ZNF276: variants seen among roughly 807,000 people sequenced by gnomAD.
ZNF276 encodes centromere protein Z.
A neutral mutation model predicts 63.9 loss-of-function variants in ZNF276; 59 were observed. The ratio of observed to expected loss-of-function variants is 0.92; its 90% CI spans 0.75 to 1.15. The LOEUF is 1.15. ZNF276 is among the 50% of genes most tolerant of loss of function. ZNF276 has a pLI of 0.00. For synonymous variants in ZNF276, 496 were observed against 348.4 expected (o/e 1.42, Z -4.72); for missense variants, 1,084 against 843.8 (o/e 1.28, Z -3.53).
chr16:89,727,525 C>T (rs1406095350), intron 5 of ZNF276, among the ~76,000 whole-genome samples, 168 bp downstream of exon 5: 1 of 152,144 alleles, frequency 6.6e-6, no homozygotes, highest in Non-Finnish European at 1.5e-5. Context: ...CAAACTAAGC[C>T]ATCACAGGGG....
Position 89,738,233 on chromosome 16 carries a change from C to G in ZNF276, c.1832C>G (p.Pro611Arg). The change falls in exon 11 of 11, where the codon CCC becomes CGC. Residue 611 changes from proline to arginine, a missense_variant. By Grantham distance (103) the Pro-to-Arg change is moderately radical. Coordinates refer to ENST00000443381, the MANE Select transcript of ZNF276 (RefSeq NM_001113525.2). ...SVTTEGQAVKPEPT is the reference protein window; with the variant it reads ...SVTTEGQAVKREPT ...ACCACAGAGGGCCAGGCGGTGAAGC[C>G]CGAACCCACCTGAGGACGGCAGTGA... The G allele has an allele frequency of 1.2e-6, 2 of 1,604,824 alleles. No individual in the cohort carries two copies. The highest frequency in any genetic ancestry group is 1.7e-6 in the Non-Finnish European group (2 of 1,176,272).
chr16:89,738,328 T>C lies in ZNF276; in HGVS notation c.*82T>C. On this transcript the variant is annotated 3_prime_UTR_variant, in exon 11 of 11. Coordinates refer to ENST00000443381, the MANE Select transcript of ZNF276 (RefSeq NM_001113525.2). ...GCCTCACCCTTCGTGTGCACCCGCA[T>C]GGGAGGGTCGGAGGGTGCTGCCCGC... 1 of 1,507,378 alleles carries C rather than the reference T, an allele frequency of 6.6e-7. No homozygotes were observed. Among genetic ancestry groups the C allele is most frequent in the Non-Finnish European group, 8.9e-7 (1 of 1,128,522 alleles). 93.4% of individuals were successfully genotyped at this position (1,507,378 alleles called of 1,614,324 possible). A position where few individuals can be genotyped will look rare whatever the true frequency, so the allele number is the denominator to read the frequency against.
intron 5 of ZNF276, among the ~76,000 whole-genome samples, chr16:89,728,786 G>A (rs766124153): frequency 4.6e-5 from 7 of 151,850 alleles, no homozygotes; most frequent in Non-Finnish European, 7.4e-5. Flanking sequence ...ATCCACCTAC[G>A]TCACCCTCCC....
At chr16:89,727,496 G>A in intron 5 of ZNF276, 139 bp downstream of exon 5, 1 of 963,056 alleles carries the variant, frequency 1.0e-6, no homozygotes, top group Non-Finnish European at 1.6e-6. Flanking sequence ...CGTAGGGTCG[G>A]CTGCCCATGC....
intron 6 of ZNF276, chr16:89,731,652 G>A (rs1039845195): frequency 3.3e-5 from 5 of 152,248 alleles, no homozygotes; most frequent in Non-Finnish European, 4.4e-5. Context: ...GCAGCCCTGT[G>A]CGCTCAAGTG....
At chr16:89,726,807 G>A (rs1387793710) in intron 4 of ZNF276, among the ~76,000 whole-genome samples, 2 of 150,708 alleles carry the variant, frequency 1.3e-5, no homozygotes, top group African/African-American at 4.9e-5. Flanking sequence ...CACCATGCCC[G>A]GCTAATTTTT....
At chr16:89,737,743 T>C (rs1054946709) in intron 9 of ZNF276, 63 bp from the exon 10 acceptor site, 1 of 1,606,472 alleles carries the variant, frequency 6.2e-7, no homozygotes, top group Non-Finnish European at 8.5e-7. Context: ...CACATTGTCA[T>C]CGTCGTCCCC....
chr16:89,721,011 C>A, upstream of ZNF276: 1 of 746,272 alleles, frequency 1.3e-6, no homozygotes, highest in Non-Finnish European at 1.8e-6. Flanking sequence ...GCCCCCTCCG[C>A]GCGTACTGCG....
At chr16:89,735,755 C>G (rs1028905571) in intron 9 of ZNF276, among the ~76,000 whole-genome samples, 1 of 152,138 alleles carries the variant, frequency 6.6e-6, no homozygotes, top group Non-Finnish European at 1.5e-5. Context: ...ACTCTTATCA[C>G]CATGGCTGGA....
chr16:89,738,150 G>C lies in ZNF276; in HGVS notation c.1749G>C (p.Gln583His). Residue 583 changes from glutamine (Q) to histidine (H), a missense_variant, in exon 11 of 11, where the codon CAG becomes CAC. Physicochemically the swap from Gln to His is conservative, Grantham distance 24. Transcript: ENST00000443381. ...TGGTGCACCCGCTGACACAGACCCAGGACAAGGCCCTGCCCCTGGAGGCGG... is the reference window on the plus strand; with the variant it reads ...TGGTGCACCCGCTGACACAGACCCACGACAAGGCCCTGCCCCTGGAGGCGG... The part of the protein sequence containing the change: ...MSMVHPLTQT[Q>H]DKALPLEAEP... 1 of 1,613,572 alleles carries C rather than the reference G, an allele frequency of 6.2e-7. No homozygotes were observed.
upstream of ZNF276, chr16:89,721,138 C>T (rs2061255995): frequency 1.1e-5 from 3 of 283,892 alleles, no homozygotes; most frequent in South Asian, 1.5e-4. Flanking sequence ...ACGGAGTTGC[C>T]ATGGGCGTCT....
In ZNF276 at chr16:89,740,021, G is replaced by T; in HGVS notation, c.*1775G>T. ...CTCTCTGTCAACTGAAAGAGTGCCAGCCAGGATATCTTCCTCTTCTCTAAA... is the reference window on the plus strand; with the variant it reads ...CTCTCTGTCAACTGAAAGAGTGCCATCCAGGATATCTTCCTCTTCTCTAAA... On this transcript the variant is annotated 3_prime_UTR_variant, in exon 11 of 11. Transcript: ENST00000443381. 1 of 1,614,178 alleles carries T rather than the reference G, an allele frequency of 6.2e-7. No homozygotes were observed. Among genetic ancestry groups the T allele is most frequent in the Middle Eastern group, 1.6e-4 (1 of 6,062 alleles).
At chr16:89,734,705 G>T (rs1567582802) in intron 9 of ZNF276, among the ~76,000 whole-genome samples, 1 of 152,222 alleles carries the variant, frequency 6.6e-6, no homozygotes. Context: ...CGGGAGGCAC[G>T]TGTGGTTCTG....
At chr16:89,737,637 T>C in intron 9 of ZNF276, 169 bp from the exon 10 acceptor site, 1 of 1,347,720 alleles carries the variant, frequency 7.4e-7, no homozygotes, top group Non-Finnish European at 9.9e-7. Flanking sequence ...TAAAGCAGTT[T>C]AAAGATCTTA....
At position 89,734,050 on chromosome 16, in the gene ZNF276, G is replaced by A. The variant is rs113797466; in HGVS notation, c.1474+12G>A. On this transcript the variant is annotated intron_variant, in intron 9 of 10. Coordinates refer to ENST00000443381, the MANE Select transcript of ZNF276 (RefSeq NM_001113525.2). ...GCTCATCCACACAGGTACGCCTATC[G>A]CCAGTGTCGCCCACGCGGGTGACAG... The A allele has an allele frequency of 0.019, 31,386 of 1,611,562 alleles. 463 individuals are homozygous for A. The highest frequency in any genetic ancestry group is 0.052 in the South Asian group (4,699 of 91,044).
Position 89,740,237 on chromosome 16 carries a change from T to C in ZNF276, c.*1991T>C, listed in dbSNP as rs895177669. The C allele has an allele frequency of 1.0e-5, 8 of 780,936 alleles. No homozygotes were observed. The highest frequency in any genetic ancestry group is 5.1e-5 in the African/African-American group (3 of 59,302). 48.4% of individuals were successfully genotyped at this position (780,936 alleles called of 1,614,324 possible). On this transcript the variant is annotated 3_prime_UTR_variant, in exon 11 of 11. Transcript: ENST00000443381. ...TTAAAACTGGTGACAGTTTTACCTA[T>C]AGAAGGTAATACTGGGCCTCTGGAC...
chr16:89,734,437 C>T (rs570150991), intron 9 of ZNF276, among the ~76,000 whole-genome samples: 11 of 152,188 alleles, frequency 7.2e-5, no homozygotes, highest in East Asian at 3.9e-4. Flanking sequence ...TCAATTCTCC[C>T]GCCTCAGCCT....
intron 1 of ZNF276, 74 bp from the exon 2 acceptor site, chr16:89,722,457 A>T (rs2061326274): frequency 6.7e-7 from 1 of 1,496,150 alleles, no homozygotes; most frequent in Non-Finnish European, 9.0e-7. Flanking sequence ...CTGCCCTCGG[A>T]CCTGGAGTCC....
chr16:89,733,746 G>A (rs2151693165), intron 8 of ZNF276, among the ~76,000 whole-genome samples, 175 bp from the exon 9 acceptor site: 1 of 151,340 alleles, frequency 6.6e-6, no homozygotes, highest in Admixed American at 6.6e-5. Flanking sequence ...TTTCACTTGA[G>A]ACACCCCCCG....
Sources: allele counts gnomAD v4.1 joint callset (sites outside exome capture counted in the v4.1 genomes callset), GRCh38; gene constraint gnomAD v4.1.1; transcripts MANE v1.5; gene names NCBI Gene and HGNC (gene_info 2026-07-23, HGNC 2026-07-21).